Variants in CREB5 observed in about 807,000 individuals in gnomAD.
CREB5 encodes the protein cAMP responsive element binding protein 5, also known as cyclic AMP-responsive element-binding protein 5.
Under a neutral mutation model 57.1 loss-of-function variants are expected in CREB5, and 19 were observed. That is an observed-to-expected ratio of 0.33 (90% CI 0.23 to 0.49). The LOEUF is 0.49. Ranked by LOEUF, CREB5 falls within the 20% of genes least tolerant of loss-of-function variation. CREB5 has a pLI of 0.99. For synonymous variants in CREB5, 238 were observed against 238.3 expected (o/e 1.00, Z 0.01); for missense variants, 579 against 671.6 (o/e 0.86, Z 1.52).
chr7:28,402,117 G>A (rs1036254782), intron 1 of CREB5, among the ~76,000 whole-genome samples: 9 of 152,198 alleles, frequency 5.9e-5, no homozygotes, highest in Admixed American at 4.6e-4. Flanking sequence ...ACTGGTGTGA[G>A]ATGGTATCTC....
At position 28,304,195 on chromosome 7, in the gene CREB5, C is replaced by T. The variant is rs79338296; in HGVS notation, c.-25+4754C>T. 2.7e-3 allele frequency among the ~76,000 whole-genome samples: 413 copies of T among 152,120 alleles called. 13 individuals carry two copies. In the East Asian group the frequency reaches 0.063, roughly 23 times the overall value. On this transcript the variant is annotated intron_variant, in intron 1 of 9. Coordinates refer to the CREB5 transcript ENST00000396299. ...TAAATGAGAGTCCTGGCAATTTTTG[C>T]GTGTGACCAGAACATAGAAGAATAT...
intron 4 of CREB5, among the ~76,000 whole-genome samples, chr7:28,525,656 C>A (rs1324992465): frequency 1.3e-5 from 2 of 152,100 alleles, no homozygotes; most frequent in Non-Finnish European, 2.9e-5. Context: ...TAAGGTACCA[C>A]TCAGACCACA....
chr7:28,320,824 G>A (rs1193530000), intron 1 of CREB5, among the ~76,000 whole-genome samples: 1 of 152,210 alleles, frequency 6.6e-6, no homozygotes, highest in Non-Finnish European at 1.5e-5. Context: ...AATTTTATGA[G>A]TGAAAAGACA....
chr7:28,690,329 A>G (rs1435002610), intron 5 of CREB5, among the ~76,000 whole-genome samples: 1 of 152,200 alleles, frequency 6.6e-6, no homozygotes, highest in Non-Finnish European at 1.5e-5. Context: ...GAACAGTGCC[A>G]GCTGTCCATG....
chr7:28,667,185 C>G (rs1318021090), intron 5 of CREB5, among the ~76,000 whole-genome samples: 1 of 151,564 alleles, frequency 6.6e-6, no homozygotes, highest in African/African-American at 2.4e-5. Flanking sequence ...GCATGCTGTC[C>G]CTGGGTGGGG....
chr7:28,640,865 G>A (rs1281579687), intron 5 of CREB5, among the ~76,000 whole-genome samples: 1 of 152,156 alleles, frequency 6.6e-6, no homozygotes, highest in Non-Finnish European at 1.5e-5. Flanking sequence ...CATTGCAGCA[G>A]CATGCCCCTG....
chr7:28,682,597 A>G (rs1800650659), intron 5 of CREB5, among the ~76,000 whole-genome samples: 1 of 152,032 alleles, frequency 6.6e-6, no homozygotes, highest in Non-Finnish European at 1.5e-5. Flanking sequence ...CCGGGACTGT[A>G]GAAATCTTGG....
intron 3 of CREB5, among the ~76,000 whole-genome samples, chr7:28,496,296 C>G (rs550449537): frequency 6.6e-6 from 1 of 152,322 alleles, no homozygotes; most frequent in African/African-American, 2.4e-5. Context: ...GAGAAACAAA[C>G]TGTCCTGCCA....
intron 1 of CREB5, among the ~76,000 whole-genome samples, chr7:28,450,595 G>T (rs1206387348): frequency 6.6e-6 from 1 of 152,192 alleles, no homozygotes; most frequent in Non-Finnish European, 1.5e-5. Context: ...ATAATGGATT[G>T]CCACAGGAGC....
intron 4 of CREB5, among the ~76,000 whole-genome samples, chr7:28,528,969 TC>T (rs1322025390): frequency 1.3e-5 from 2 of 152,150 alleles, no homozygotes; most frequent in African/African-American, 4.8e-5. Context: ...GGGTAGAACA[TC>T]AATTGACTTT....
rs996688221 is a variant in CREB5, at chr7:28,701,679, A to G, written c.465-17074A>G. On this transcript the variant is annotated intron_variant, in intron 5 of 10. Transcript: ENST00000357727. ...GGACACCTTCCATTCCAGCTGCCCAAGTTGTTCACATATGACATCAAATGA... is the reference window on the plus strand; with the variant it reads ...GGACACCTTCCATTCCAGCTGCCCAGGTTGTTCACATATGACATCAAATGA... Among the ~76,000 whole-genome samples the G allele has an allele frequency of 3.3e-5, 5 of 152,186 alleles. No individual in the cohort carries two copies. In the East Asian group the frequency reaches 7.7e-4, roughly 23 times the overall value.
At chr7:28,452,556 G>T (rs1789874967) in intron 1 of CREB5, among the ~76,000 whole-genome samples, 1 of 152,206 alleles carries the variant, frequency 6.6e-6, no homozygotes, top group Non-Finnish European at 1.5e-5. Flanking sequence ...AGGATTAGGG[G>T]ATCCAGCTGA....
intron 5 of CREB5, among the ~76,000 whole-genome samples, chr7:28,577,069 G>C (rs998723781): frequency 3.9e-5 from 6 of 152,324 alleles, no homozygotes; most frequent in Admixed American, 1.3e-4. Flanking sequence ...GAAAAGCATT[G>C]TCATGGGTTC....
chr7:28,356,835 C>T (rs1350183754), intron 1 of CREB5, among the ~76,000 whole-genome samples: 3 of 152,124 alleles, frequency 2.0e-5, no homozygotes, highest in African/African-American at 7.2e-5. Context: ...TGGCACTTGT[C>T]GTCAGCCGGA....
chr7:28,411,240 A>G (rs1217915346), upstream of CREB5, among the ~76,000 whole-genome samples: 1 of 152,222 alleles, frequency 6.6e-6, no homozygotes, highest in African/African-American at 2.4e-5. Context: ...CACTGCAAAC[A>G]AAGTATTTCA....
intron 1 of CREB5, among the ~76,000 whole-genome samples, chr7:28,472,166 A>G (rs1168684277): frequency 4.2e-5 from 1 of 23,948 alleles, no homozygotes; most frequent in Non-Finnish European, 1.1e-4. Flanking sequence ...AAAAAAAAAA[A>G]CATAGTAATG....
intron 7 of CREB5, among the ~76,000 whole-genome samples, chr7:28,759,716 T>C (rs1417196764): frequency 6.6e-6 from 1 of 152,238 alleles, no homozygotes; most frequent in Admixed American, 6.5e-5. Context: ...TGCCTTTGTA[T>C]AGAGAATGCA....
intron 7 of CREB5, among the ~76,000 whole-genome samples, chr7:28,760,998 G>T (rs1390045855): frequency 6.6e-6 from 1 of 152,132 alleles, no homozygotes; most frequent in African/African-American, 2.4e-5. Flanking sequence ...ACATATAGGA[G>T]GCTCATGTTA....
intron 5 of CREB5, among the ~76,000 whole-genome samples, chr7:28,635,665 A>C (rs1322318618): frequency 6.6e-6 from 1 of 152,176 alleles, no homozygotes; most frequent in Non-Finnish European, 1.5e-5. Flanking sequence ...TCTGCCTATC[A>C]CCATCATCTA....
Sources: allele counts gnomAD v4.1 joint callset (sites outside exome capture counted in the v4.1 genomes callset), GRCh38; gene constraint gnomAD v4.1.1; transcripts MANE v1.5; gene names NCBI Gene and HGNC (gene_info 2026-07-23, HGNC 2026-07-21).